Variants in NOX3 observed in about 807,000 individuals in gnomAD.
NOX3 encodes the protein NADPH oxidase 3.
Under a neutral mutation model 76.7 loss-of-function variants are expected in NOX3, and 74 were observed. The ratio of observed to expected loss-of-function variants is 0.96; its 90% CI spans 0.80 to 1.17. NOX3 has a LOEUF of 1.17. Among genes scored for constraint, NOX3 ranks in the 50% most tolerant of loss-of-function variants. The pLI, the probability that NOX3 is intolerant of heterozygous loss-of-function variation, is 0.00. For missense variants in NOX3, 695 were observed against 703.3 expected (o/e 0.99, Z 0.13); for synonymous variants, 263 against 261.1 (o/e 1.01, Z -0.07).
At chr6:155,432,672 G>A (rs1329507623) in intron 7 of NOX3, among the ~76,000 whole-genome samples, 2 of 151,934 alleles carry the variant, frequency 1.3e-5, no homozygotes, top group Non-Finnish European at 2.9e-5. Context: ...TTTCCTGGGG[G>A]GGCTCTTGGC....
At chr6:155,405,221 C>A (rs1214216235) in intron 12 of NOX3, among the ~76,000 whole-genome samples, 2 of 152,132 alleles carry the variant, frequency 1.3e-5, no homozygotes, top group Admixed American at 1.3e-4. Flanking sequence ...TGGAAGCAGT[C>A]AGAGGTACCT....
chr6:155,403,730 A>G (rs1167341613), intron 12 of NOX3, among the ~76,000 whole-genome samples: 3 of 152,182 alleles, frequency 2.0e-5, no homozygotes, highest in Non-Finnish European at 2.9e-5. Flanking sequence ...CTGCGAAAAA[A>G]TTGGACAGGC....
chr6:155,404,129 T>TATATATATA (rs67713833), intron 12 of NOX3, among the ~76,000 whole-genome samples: 2 of 91,288 alleles, frequency 2.2e-5, no homozygotes, highest in African/African-American at 1.0e-4. Context: ...ATATATATAT[T>TATATATATA]TTTTTTTTCC....
At chr6:155,412,716 C>T (rs1342460015) in intron 10 of NOX3, among the ~76,000 whole-genome samples, 1 of 152,136 alleles carries the variant, frequency 6.6e-6, no homozygotes, top group Non-Finnish European at 1.5e-5. Flanking sequence ...CCCTTTGTGA[C>T]ACCCTCTGAA....
At chr6:155,429,900 T>A (rs896661491) in intron 8 of NOX3, among the ~76,000 whole-genome samples, 1 of 152,238 alleles carries the variant, frequency 6.6e-6, no homozygotes, top group African/African-American at 2.4e-5. Flanking sequence ...GTTCTGACAT[T>A]GCTGTTAAAT....
intron 5 of NOX3, among the ~76,000 whole-genome samples, chr6:155,442,854 G>A (rs746100247): frequency 1.1e-4 from 17 of 152,106 alleles, no homozygotes; most frequent in Admixed American, 6.5e-5. Flanking sequence ...GAACAGATCC[G>A]GAAAACAATC....
chr6:155,396,787 C>T, intron 13 of NOX3, 22 bp downstream of exon 13: 1 of 1,576,338 alleles, frequency 6.3e-7, no homozygotes, highest in African/African-American at 1.4e-5. Flanking sequence ...AATCCCTGAC[C>T]TGTATGATTG....
At chr6:155,438,028 C>T (rs1253931929) in intron 6 of NOX3, among the ~76,000 whole-genome samples, 1 of 152,198 alleles carries the variant, frequency 6.6e-6, no homozygotes, top group Non-Finnish European at 1.5e-5. Context: ...TCAAAAATAT[C>T]TCCAACGAAA....
At chr6:155,410,840 C>A (rs1776539891) in intron 11 of NOX3, among the ~76,000 whole-genome samples, 1 of 152,188 alleles carries the variant, frequency 6.6e-6, no homozygotes, top group African/African-American at 2.4e-5. Flanking sequence ...CTCTGAACAG[C>A]TCAAGGCACA....
At chr6:155,398,536 A>G (rs1429873186) in intron 12 of NOX3, among the ~76,000 whole-genome samples, 1 of 152,254 alleles carries the variant, frequency 6.6e-6, no homozygotes, top group East Asian at 1.9e-4. Flanking sequence ...CTCCAGCTTC[A>G]AAGGAACTTA....
At chr6:155,446,043 C>A in intron 4 of NOX3, among the ~76,000 whole-genome samples, 1 of 144,262 alleles carries the variant, frequency 6.9e-6, no homozygotes, top group Middle Eastern at 3.7e-3. Context: ...AGTTGAAAAT[C>A]AAGTCAAATA....
intron 10 of NOX3, among the ~76,000 whole-genome samples, chr6:155,421,079 T>C (rs1219425043): frequency 2.0e-5 from 3 of 152,124 alleles, no homozygotes; most frequent in Non-Finnish European, 4.4e-5. Flanking sequence ...AAAATTCAGG[T>C]GCCGATTCTA....
intron 13 of NOX3, among the ~76,000 whole-genome samples, chr6:155,396,060 A>G (rs1779134433): frequency 1.3e-5 from 2 of 152,178 alleles, no homozygotes; most frequent in South Asian, 4.1e-4. Context: ...AATGCATTTT[A>G]AAAGGATGTG....
In NOX3 at chr6:155,455,096, T is replaced by G; in HGVS notation, c.82A>C (p.Ile28Leu). 1 of 1,612,996 alleles carries G rather than the reference T, an allele frequency of 6.2e-7. No homozygotes were observed. The highest frequency in any genetic ancestry group is 8.5e-7 in the Non-Finnish European group (1 of 1,179,324). The change falls in exon 2 of 14, where the codon ATT (isoleucine) becomes CTT (leucine). Residue 28 changes from isoleucine (I) to leucine (L), a missense_variant. Coordinates refer to ENST00000159060, the MANE Select transcript of NOX3 (RefSeq NM_015718.3). Reference sequence around the variant, plus strand: ...TCTTCATACCAGTAGAACGTGTCAATAAACAGATAAAAATTTATTCCCAGC... The same window carrying G: ...TCTTCATACCAGTAGAACGTGTCAAGAAACAGATAAAAATTTATTCCCAGC... ...SWLGINFYLF[I>L]DTFYWYEEEE...
chr6:155,439,963 C>A lies in NOX3; in HGVS notation c.661G>T (p.Gly221Trp), dbSNP rs748689771. 6.2e-7 allele frequency: 1 copy of A among 1,613,484 alleles called. No homozygotes were observed. The change falls in exon 6 of 14, where the codon GGG (glycine) becomes TGG (tryptophan). Residue 221 changes from glycine (G) to tryptophan (W), a missense_variant. By Grantham distance (184) the Gly-to-Trp change is radical. Transcript: ENST00000159060. ...IVFFLSLAIH[G>W]TGRIVRGQTQ... The stretch of plus-strand genomic sequence containing the variant: ...AGCGCAGTATGGACTTACCCCGTCC[C>A]ATGGATGGCCAGGCTGAGAAAGAAG...
intron 7 of NOX3, among the ~76,000 whole-genome samples, chr6:155,431,224 A>C (rs1429023199): frequency 2.6e-5 from 4 of 152,174 alleles, no homozygotes; most frequent in African/African-American, 9.7e-5. Context: ...TTTGCAAAGA[A>C]ATAAAAAAGC....
At chr6:155,442,219 G>T (rs560139388) in intron 5 of NOX3, among the ~76,000 whole-genome samples, 6 of 151,962 alleles carry the variant, frequency 3.9e-5, no homozygotes, top group Non-Finnish European at 5.9e-5. Flanking sequence ...AGCCGTGATC[G>T]CACCACTGCA....
chr6:155,420,371 A>G (rs1482596955), intron 10 of NOX3, among the ~76,000 whole-genome samples: 1 of 152,186 alleles, frequency 6.6e-6, no homozygotes, highest in East Asian at 1.9e-4. Flanking sequence ...TCTGAGTGGG[A>G]TTTACTTGGT....
At chr6:155,447,319 G>T (rs926720283) in intron 4 of NOX3, among the ~76,000 whole-genome samples, 1 of 152,132 alleles carries the variant, frequency 6.6e-6, no homozygotes, top group African/African-American at 2.4e-5. Context: ...TTACAGGCGT[G>T]AGCCACCACG....
Sources: allele counts gnomAD v4.1 joint callset (sites outside exome capture counted in the v4.1 genomes callset), GRCh38; gene constraint gnomAD v4.1.1; transcripts MANE v1.5; gene names NCBI Gene and HGNC (gene_info 2026-07-23, HGNC 2026-07-21).